Variants in MPRIP observed in about 807,000 individuals in gnomAD.
The protein encoded by MPRIP is myosin phosphatase Rho interacting protein.
Under a neutral mutation model 234.9 loss-of-function variants are expected in MPRIP, and 59 were observed. That is an observed-to-expected ratio of 0.25 (90% CI 0.20 to 0.31). The LOEUF (loss-of-function observed/expected upper bound fraction) is 0.31, where lower values mean the gene tolerates loss of function less well. Ranked by LOEUF, MPRIP falls within the 10% of genes least tolerant of loss-of-function variation. MPRIP has a pLI of 1.00. For missense variants in MPRIP, 2,436 were observed against 3,071.0 expected (o/e 0.79, Z 4.89); for synonymous variants, 1,144 against 1,263.9 (o/e 0.91, Z 2.01).
At position 17,166,424 on chromosome 17, in the gene MPRIP, C is replaced by T. The variant is rs1048353833; in HGVS notation, c.4833C>T (p.Pro1611=). 36 of 1,304,264 alleles carry T rather than the reference C, an allele frequency of 2.8e-5. No homozygotes were observed. The highest frequency in any genetic ancestry group is 1.2e-4 in the South Asian group (10 of 81,032). The allele number at this position is 1,304,264 out of a possible 1,614,324, so 80.8% of individuals were successfully genotyped here. Residue 1611 remains proline (P), a synonymous_variant, in exon 16 of 24, where the codon CCC becomes CCT. Coordinates refer to ENST00000651222, the MANE Select transcript of MPRIP (RefSeq NM_001364716.4). This position sits in a 1 kb window ranked among gnomAD's most constrained non-coding sequence, Gnocchi z 4.4. ...CACCGATGGAATCTGCTGGGGCCCC[C>T]GTAGACACCTGGGCCAGGAAGGTCC... ...GQPPMESAGA[P]VDTWARKVLV...
At chr17:17,163,934 A>AC (rs1173117671) in intron 15 of MPRIP, among the ~76,000 whole-genome samples, 175 bp from the exon 16 acceptor site, 1 of 151,956 alleles carries the variant, frequency 6.6e-6, no homozygotes, top group Non-Finnish European at 1.5e-5. Context: ...TTACTAAAAA[A>AC]AAAAAAAAAG....
intron 3 of MPRIP, among the ~76,000 whole-genome samples, chr17:17,122,540 A>G (rs913319782): frequency 6.6e-6 from 1 of 152,052 alleles, no homozygotes; most frequent in African/African-American, 2.4e-5. Context: ...TTTTTAGTAG[A>G]GACAGGGTTT....
intron 19 of MPRIP, among the ~76,000 whole-genome samples, chr17:17,175,078 TA>T (rs2046225876): frequency 6.6e-6 from 1 of 152,172 alleles, no homozygotes; most frequent in Non-Finnish European, 1.5e-5. Context: ...TGCTGTGGCT[TA>T]AAGATTACCC....
At chr17:17,169,787 G>A (rs142366796) in intron 16 of MPRIP, among the ~76,000 whole-genome samples, 3 of 152,240 alleles carry the variant, frequency 2.0e-5, no homozygotes, top group East Asian at 1.9e-4. Context: ...CCTAACAGCC[G>A]TCCTCTGACA....
intron 3 of MPRIP, among the ~76,000 whole-genome samples, chr17:17,119,156 G>A (rs2090340824): frequency 6.6e-6 from 1 of 152,116 alleles, no homozygotes; most frequent in Non-Finnish European, 1.5e-5. Context: ...AGAAAACTCT[G>A]GAGCCAATGT....
chr17:17,174,910 C>T (rs1471856472), intron 19 of MPRIP, among the ~76,000 whole-genome samples: 1 of 152,136 alleles, frequency 6.6e-6, no homozygotes, highest in African/African-American at 2.4e-5. Flanking sequence ...TTTCTGTGGG[C>T]ACCAAATTAA....
rs1042584985 is a variant in MPRIP at position 17,164,359 on chromosome 17, T to C, written c.2768T>C (p.Leu923Pro). Reference protein sequence around the residue: ...LAIKEQALAKLKGDLKREQGR... With the variant: ...LAIKEQALAKPKGDLKREQGR... The stretch of plus-strand genomic sequence containing the variant: ...ATCAAGGAGCAGGCGCTGGCCAAGC[T>C]CAAGGGCGACCTGAAGCGGGAGCAG... The change falls in exon 16 of 24, where the codon CTC (leucine) becomes CCC (proline). Residue 923 changes from leucine to proline, a missense_variant. Physicochemically the swap from Leu to Pro is moderately conservative, Grantham distance 98. Around this residue, in one of 4 missense-constraint regions of MPRIP, gnomAD observed 1,998 missense variants for 2,520.3 expected, o/e 0.79. Transcript: ENST00000651222. 5 of 1,298,988 alleles carry C rather than the reference T, an allele frequency of 3.8e-6. No individual in the cohort carries two copies. The African/African-American group carries it at 7.6e-5, about 20-fold the overall frequency. The allele number at this position is 1,298,988 out of a possible 1,614,324, so 80.5% of individuals were successfully genotyped here.
At chr17:17,158,359 A>C in intron 13 of MPRIP, 73 bp from the exon 14 acceptor site, 1 of 1,333,684 alleles carries the variant, frequency 7.5e-7, no homozygotes, top group Non-Finnish European at 1.0e-6. Context: ...GTGGCTCAGC[A>C]TTGCCAGCTT....
chr17:17,087,975 G>C (rs112626472), intron 3 of MPRIP, among the ~76,000 whole-genome samples: 1 of 152,206 alleles, frequency 6.6e-6, no homozygotes, highest in Non-Finnish European at 1.5e-5. Context: ...GGAATTAGCT[G>C]CCAGCCTGTG....
chr17:17,056,097 C>G (rs759917473), intron 1 of MPRIP, among the ~76,000 whole-genome samples: 3 of 152,300 alleles, frequency 2.0e-5, no homozygotes, highest in Non-Finnish European at 4.4e-5. Flanking sequence ...GTGTGTGGCC[C>G]CCTTGGCCCC....
At chr17:17,056,492 G>A (rs1439051698) in intron 1 of MPRIP, among the ~76,000 whole-genome samples, 2 of 152,188 alleles carry the variant, frequency 1.3e-5, no homozygotes, top group Non-Finnish European at 2.9e-5. Flanking sequence ...CTGTGTGTGG[G>A]CAGAGGGAGG....
At position 17,184,919 on chromosome 17, in the gene MPRIP, G is replaced by A. The variant is rs375717628; in HGVS notation, c.*25G>A. 163 of 1,567,496 alleles carry A rather than the reference G, an allele frequency of 1.0e-4. No homozygotes were observed. The highest frequency in any genetic ancestry group is 1.4e-4 in the Non-Finnish European group (160 of 1,139,908). ...GGTGTGTCCCATCCAAGTTGAGCAC[G>A]CGCCTTCCCCAGCTTGCAGCAGCAC... On this transcript the variant is annotated 3_prime_UTR_variant, in exon 24 of 24. Transcript: ENST00000651222.
At chr17:17,076,981 A>C (rs2089347126) in intron 2 of MPRIP, 2 of 120,470 alleles carry the variant, frequency 1.7e-5, no homozygotes, top group South Asian at 5.0e-4. Flanking sequence ...TTGCTCTGTC[A>C]CCCAGGCTGG....
intron 3 of MPRIP, among the ~76,000 whole-genome samples, chr17:17,094,342 T>G (rs1205764141): frequency 2.6e-5 from 4 of 152,352 alleles, no homozygotes; most frequent in East Asian, 3.9e-4. Context: ...ACTTTATCAT[T>G]GGTATTGAGA....
intron 3 of MPRIP, among the ~76,000 whole-genome samples, chr17:17,085,795 C>A (rs536334705): frequency 2.0e-5 from 3 of 152,340 alleles, no homozygotes; most frequent in Non-Finnish European, 4.4e-5. Context: ...TGCCTGTACT[C>A]CCAGCTACTC....
chr17:17,089,307 T>C (rs2089661340), intron 3 of MPRIP, among the ~76,000 whole-genome samples: 1 of 152,184 alleles, frequency 6.6e-6, no homozygotes, highest in Non-Finnish European at 1.5e-5. Context: ...GAGAATCCCC[T>C]CTCCACTGTT....
At chr17:17,110,014 G>A (rs2144273932) in intron 3 of MPRIP, among the ~76,000 whole-genome samples, 1 of 152,246 alleles carries the variant, frequency 6.6e-6, no homozygotes, top group Middle Eastern at 3.4e-3. Context: ...GTTGGAGGTG[G>A]GGCCTAGTTG....
intron 13 of MPRIP, among the ~76,000 whole-genome samples, chr17:17,157,782 C>T (rs1421877400): frequency 2.0e-5 from 3 of 151,422 alleles, no homozygotes; most frequent in East Asian, 1.9e-4. Flanking sequence ...GAGCCGAGAT[C>T]GCGCCATTGC....
chr17:17,110,369 C>CTGT (rs1655987617), intron 3 of MPRIP, among the ~76,000 whole-genome samples: 1 of 152,080 alleles, frequency 6.6e-6, no homozygotes. Context: ...ACAAAACAGA[C>CTGT]TAAGACAAGA....
Sources: gnomAD v4.1 joint callset for allele counts (sites outside exome capture counted in the v4.1 genomes callset) on GRCh38, gnomAD v4.1.1 for gene constraint, gnomAD v4.1.1 regional missense constraint, Gnocchi (gnomAD v3.1) non-coding constraint, MANE v1.5 for transcripts, NCBI Gene and HGNC (gene_info 2026-07-23, HGNC 2026-07-21) for gene names.